Variants in OSGIN2 observed in about 807,000 individuals in gnomAD.
OSGIN2 encodes the protein oxidative stress-induced growth inhibitor 2.
Under a neutral mutation model 53.8 loss-of-function variants are expected in OSGIN2, and 19 were observed. That is an observed-to-expected ratio of 0.35 (90% CI 0.25 to 0.52). OSGIN2 has a LOEUF of 0.52. OSGIN2 is among the 20% of genes least tolerant of loss of function. The probability of loss-of-function intolerance (pLI) is 0.95; values close to 1 mark genes in which losing one functional copy is unlikely to be tolerated. For missense variants in OSGIN2, 520 were observed against 662.7 expected (o/e 0.78, Z 2.36); for synonymous variants, 236 against 236.0 (o/e 1.00, Z 0.00).
chr8:89,908,808 T>G (rs1471721498), intron 1 of OSGIN2, among the ~76,000 whole-genome samples: 1 of 151,654 alleles, frequency 6.6e-6, no homozygotes, highest in Non-Finnish European at 1.5e-5. Flanking sequence ...TTAATATATT[T>G]TTGAAGTCTG....
At chr8:89,902,476 G>A, upstream of OSGIN2, 1 of 152,828 alleles carries the variant, frequency 6.5e-6, no homozygotes, top group Non-Finnish European at 1.5e-5. Context: ...CGCCGCAGCC[G>A]CACCTGCGAG....
intron 4 of OSGIN2, among the ~76,000 whole-genome samples, chr8:89,918,317 T>C (rs1317359473): frequency 6.6e-6 from 1 of 152,114 alleles, no homozygotes; most frequent in Non-Finnish European, 1.5e-5. Context: ...GTTGTTGTTT[T>C]TGAGAGAGGG....
chr8:89,908,988 G>A (rs1342778409), intron 1 of OSGIN2, among the ~76,000 whole-genome samples: 1 of 111,470 alleles, frequency 9.0e-6, no homozygotes. Context: ...TCCAGCCTGG[G>A]TGACAGAGCA....
At chr8:89,917,297 CAGT>C (rs1809100082) in intron 4 of OSGIN2, among the ~76,000 whole-genome samples, 1 of 152,218 alleles carries the variant, frequency 6.6e-6, no homozygotes, top group South Asian at 2.1e-4. Context: ...TTTCTGATCA[CAGT>C]TTCCTGTTCT....
intron 1 of OSGIN2, among the ~76,000 whole-genome samples, chr8:89,903,621 G>A (rs1002082543): frequency 6.6e-6 from 1 of 152,022 alleles, no homozygotes; most frequent in South Asian, 2.1e-4. Context: ...CTAAATAGTG[G>A]GTTTCATACA....
chr8:89,913,056 G>A (rs1563468885), intron 2 of OSGIN2, among the ~76,000 whole-genome samples: 1 of 152,166 alleles, frequency 6.6e-6, no homozygotes, highest in Non-Finnish European at 1.5e-5. Context: ...AGGATCCACA[G>A]TAGCGATGTT....
At chr8:89,922,343 A>G (rs1809223862) in intron 5 of OSGIN2, among the ~76,000 whole-genome samples, 1 of 152,222 alleles carries the variant, frequency 6.6e-6, no homozygotes. Context: ...TAGATTTTTA[A>G]AAAGAATTAT....
At chr8:89,908,792 ATTATT>A (rs1808892522) in intron 1 of OSGIN2, among the ~76,000 whole-genome samples, 1 of 151,868 alleles carries the variant, frequency 6.6e-6, no homozygotes, top group Non-Finnish European at 1.5e-5. Context: ...ACATTAAGAA[ATTATT>A]TTAATATATT....
chr8:89,922,237 AATTC>A (rs1809222126), intron 5 of OSGIN2, among the ~76,000 whole-genome samples: 1 of 152,206 alleles, frequency 6.6e-6, no homozygotes, highest in Admixed American at 6.5e-5. Context: ...CAACCATGTT[AATTC>A]ATAGAAATTT....
At chr8:89,923,611 A>T (rs1287201631) in intron 5 of OSGIN2, among the ~76,000 whole-genome samples, 1 of 152,236 alleles carries the variant, frequency 6.6e-6, no homozygotes, top group Admixed American at 6.5e-5. Context: ...ATTTTGTTAG[A>T]TGATTTTGCC....
intron 1 of OSGIN2, among the ~76,000 whole-genome samples, chr8:89,908,295 G>T (rs1213236616): frequency 6.6e-6 from 1 of 152,078 alleles, no homozygotes; most frequent in Non-Finnish European, 1.5e-5. Context: ...TGTCTGTTTT[G>T]GTCAAAAGAG....
chr8:89,923,270 T>C (rs1245931137), intron 5 of OSGIN2, among the ~76,000 whole-genome samples: 1 of 152,206 alleles, frequency 6.6e-6, no homozygotes, highest in Non-Finnish European at 1.5e-5. Flanking sequence ...TATAATCCTT[T>C]ATGGGACCAT....
chr8:89,926,724 AT>A lies in OSGIN2; in HGVS notation c.*1193del, dbSNP rs1809341845. On this transcript the variant is annotated 3_prime_UTR_variant, in exon 6 of 6. Transcript: ENST00000451899. ...AAGACGAAAACATCTGAAGTTCTCC[AT>A]GGCAAATTGAATTTTTCAGTCATTT... 1 of 152,072 alleles carries A rather than the reference AT, an allele frequency of 6.6e-6. No homozygotes were observed. The highest frequency in any genetic ancestry group is 2.4e-5 in the African/African-American group (1 of 41,448). 9.4% of individuals were successfully genotyped at this position (152,072 alleles called of 1,614,324 possible).
At chr8:89,910,333 A>G (rs959034498) in intron 2 of OSGIN2, among the ~76,000 whole-genome samples, 5 of 152,370 alleles carry the variant, frequency 3.3e-5, no homozygotes, top group Middle Eastern at 3.4e-3. Flanking sequence ...GCATGCATTT[A>G]ATTACCTGTT....
intron 2 of OSGIN2, among the ~76,000 whole-genome samples, chr8:89,911,640 AAAAAG>A (rs1808970378): frequency 6.7e-6 from 1 of 149,300 alleles, no homozygotes; most frequent in Non-Finnish European, 1.5e-5. Context: ...AAAAAAAAAA[AAAAAG>A]AAAAGAGGGC....
At chr8:89,922,389 T>C (rs1809225041) in intron 5 of OSGIN2, among the ~76,000 whole-genome samples, 1 of 152,204 alleles carries the variant, frequency 6.6e-6, no homozygotes, top group Non-Finnish European at 1.5e-5. Flanking sequence ...ATTAGGCAAG[T>C]TGTACAGTTC....
Position 89,927,880 on chromosome 8 carries a change from T to C in OSGIN2, c.*2348T>C, listed in dbSNP as rs1809384919. 1 of 152,176 alleles carries C rather than the reference T, an allele frequency of 6.6e-6. No homozygotes were observed. Among genetic ancestry groups the C allele is most frequent in the Non-Finnish European group, 1.5e-5 (1 of 68,024 alleles). 9.4% of individuals were successfully genotyped at this position (152,176 alleles called of 1,614,324 possible). On this transcript the variant is annotated 3_prime_UTR_variant, in exon 6 of 6. Coordinates refer to ENST00000451899, the MANE Select transcript of OSGIN2 (RefSeq NM_001126111.3). ...ATTCAACTATTAAATAAATGCAAGT[T>C]CCACTAAATCTTAGTGTTTGGAACA...
rs1487296608 is a variant in OSGIN2, at chr8:89,902,826, C to T, written c.33C>T (p.Ala11=). Residue 11 remains alanine, a synonymous_variant, in exon 1 of 6, where the codon GCC becomes GCT. Coordinates refer to ENST00000451899, the MANE Select transcript of OSGIN2 (RefSeq NM_001126111.3). ...TGTGGTGCTGCCGCTGCTCCCTGGC[C>T]GGTCATTTCAGGTGACTTCCTCGCC... MPVWCCRCSL[A]GHFRNYSDTE... 7.3e-7 allele frequency: 1 copy of T among 1,379,256 alleles called. No homozygotes were observed. The highest frequency in any genetic ancestry group is 9.6e-7 in the Non-Finnish European group (1 of 1,046,690). The allele number at this position is 1,379,256 out of a possible 1,614,324, so 85.4% of individuals were successfully genotyped here.
At position 89,925,402 on chromosome 8, in the gene OSGIN2, G is replaced by A. The variant is rs139719366; in HGVS notation, c.1520G>A (p.Gly507Asp). The change falls in exon 6 of 6, where the codon GGT (glycine) becomes GAT (aspartate). Residue 507 changes from glycine to aspartate, a missense_variant. Gly to Asp is a moderately conservative substitution (Grantham distance 94). Around this residue, in one of 3 missense-constraint regions of OSGIN2, gnomAD observed 239 missense variants for 328.3 expected, o/e 0.73. Transcript: ENST00000451899. ...AAAGAAGCCAACCTTTTTGCATTGGGTCCTTTGGTTGGAGACAATTTTGTT... is the reference window on the plus strand; with the variant it reads ...AAAGAAGCCAACCTTTTTGCATTGGATCCTTTGGTTGGAGACAATTTTGTT... The part of the protein sequence containing the change: ...CIKEANLFAL[G>D]PLVGDNFVRF... The A allele has an allele frequency of 6.2e-7, 1 of 1,613,982 alleles. No individual in the cohort carries two copies. Among genetic ancestry groups the A allele is most frequent in the Non-Finnish European group, 8.5e-7 (1 of 1,179,992 alleles).
Sources: allele counts gnomAD v4.1 joint callset (sites outside exome capture counted in the v4.1 genomes callset), GRCh38; gene constraint gnomAD v4.1.1; regional missense constraint gnomAD v4.1.1; transcripts MANE v1.5; gene names NCBI Gene and HGNC (gene_info 2026-07-23, HGNC 2026-07-21).